The following RBFOX1 variants were observed in gnomAD, a reference collection of about 807,000 sequenced individuals.
RBFOX1 encodes RNA binding fox-1 homolog 1.
A neutral mutation model predicts 57.7 loss-of-function variants in RBFOX1; 8 were observed. The ratio of observed to expected loss-of-function variants is 0.14; its 90% CI spans 0.08 to 0.25. The LOEUF is 0.25. RBFOX1 is among the 10% of genes least tolerant of loss of function. The pLI is 1.00. For missense variants in RBFOX1, 611 were observed against 548.5 expected (o/e 1.11, Z -1.14); for synonymous variants, 326 against 222.4 (o/e 1.47, Z -4.15).
At chr16:5,548,867 G>A (rs147870167) in intron 2 of RBFOX1, among the ~76,000 whole-genome samples, 2 of 152,118 alleles carry the variant, frequency 1.3e-5, no homozygotes, top group African/African-American at 2.4e-5. Flanking sequence ...TGGGGCCAAG[G>A]ATGAGGAAGA....
chr16:6,384,365 C>G (rs546950892), intron 2 of RBFOX1, among the ~76,000 whole-genome samples: 1 of 152,218 alleles, frequency 6.6e-6, no homozygotes, highest in South Asian at 2.1e-4. Flanking sequence ...GCATTTTTCC[C>G]TGCCCCCTGT....
intron 1 of RBFOX1, among the ~76,000 whole-genome samples, chr16:6,269,295 A>T (rs1274184372): frequency 1.3e-5 from 2 of 152,144 alleles, no homozygotes; most frequent in Admixed American, 6.5e-5. Context: ...TTATTTTTAA[A>T]TTTTTGGAAT....
At chr16:7,006,623 G>A (rs923353173) in intron 3 of RBFOX1, among the ~76,000 whole-genome samples, 1 of 151,972 alleles carries the variant, frequency 6.6e-6, no homozygotes, top group African/African-American at 2.4e-5. Context: ...CTTGGTTTCG[G>A]GTTTTATAGA....
At chr16:6,906,376 A>T (rs1006749530) in intron 3 of RBFOX1, among the ~76,000 whole-genome samples, 1 of 152,188 alleles carries the variant, frequency 6.6e-6, no homozygotes, top group African/African-American at 2.4e-5. Flanking sequence ...AATAACACCG[A>T]AACTCATAAA....
intron 2 of RBFOX1, among the ~76,000 whole-genome samples, chr16:5,552,347 A>C (rs1170039958): frequency 6.6e-6 from 1 of 152,028 alleles, no homozygotes; most frequent in Admixed American, 6.6e-5. Context: ...TTCCAGCGCT[A>C]TTTGCTCACA....
intron 3 of RBFOX1, among the ~76,000 whole-genome samples, chr16:5,640,488 T>C (rs933581255): frequency 5.3e-5 from 8 of 150,436 alleles, no homozygotes; most frequent in East Asian, 4.0e-4. Flanking sequence ...TGCACACACA[T>C]ATATGCACAC....
At chr16:6,447,105 G>A (rs989216576) in intron 2 of RBFOX1, among the ~76,000 whole-genome samples, 3 of 152,110 alleles carry the variant, frequency 2.0e-5, no homozygotes, top group Admixed American at 6.5e-5. Flanking sequence ...ACCAGATTGC[G>A]AACTGTTAAA....
At chr16:6,640,866 G>C (rs1018402689) in intron 2 of RBFOX1, among the ~76,000 whole-genome samples, 1 of 152,052 alleles carries the variant, frequency 6.6e-6, no homozygotes, top group African/African-American at 2.4e-5. Context: ...TTAAGGCCAA[G>C]ACCCAAAACA....
chr16:5,806,543 A>G (rs2055234138), intron 3 of RBFOX1, among the ~76,000 whole-genome samples: 1 of 152,206 alleles, frequency 6.6e-6, no homozygotes, highest in Non-Finnish European at 1.5e-5. Context: ...TGAACTTTCA[A>G]CAGGAATTTT....
intron 3 of RBFOX1, among the ~76,000 whole-genome samples, chr16:6,771,087 G>A (rs1296051576): frequency 1.3e-5 from 2 of 152,024 alleles, no homozygotes; most frequent in African/African-American, 4.8e-5. Flanking sequence ...TGTGTTTGGT[G>A]TCCTTATAAG....
At chr16:7,181,260 A>T (rs940815959) in intron 4 of RBFOX1, among the ~76,000 whole-genome samples, 2 of 152,162 alleles carry the variant, frequency 1.3e-5, no homozygotes, top group African/African-American at 4.8e-5. Context: ...GGTCATGAGA[A>T]CTGAAGGAGT....
intron 1 of RBFOX1, among the ~76,000 whole-genome samples, chr16:6,254,579 G>A (rs8059481): frequency 0.91 from 138,134 of 152,182 alleles, 62,861 homozygotes; most frequent in East Asian, 0.95. Flanking sequence ...TTTATTTTCT[G>A]TGGTAGGAAG....
chr16:5,728,783 G>A (rs973284301), intron 3 of RBFOX1, among the ~76,000 whole-genome samples: 1 of 152,062 alleles, frequency 6.6e-6, no homozygotes, highest in African/African-American at 2.4e-5. Context: ...TGAGCTACTC[G>A]CCACTGTGTT....
intron 3 of RBFOX1, among the ~76,000 whole-genome samples, chr16:7,042,177 T>G (rs560006677): frequency 1.3e-5 from 2 of 152,196 alleles, no homozygotes; most frequent in African/African-American, 2.4e-5. Flanking sequence ...CACTAGCTAG[T>G]CGGTGCATGT....
intron 2 of RBFOX1, among the ~76,000 whole-genome samples, chr16:6,592,605 GAAGAGATATA>G (rs938209326): frequency 2.0e-5 from 3 of 152,170 alleles, no homozygotes; most frequent in African/African-American, 7.2e-5. Flanking sequence ...TCTTTGCTTT[GAAGAGATATA>G]CATATGGGGA....
chr16:6,247,526 C>G (rs966332650), intron 1 of RBFOX1, among the ~76,000 whole-genome samples: 21 of 152,146 alleles, frequency 1.4e-4, no homozygotes, highest in African/African-American at 5.1e-4. Context: ...GTAGTAACAG[C>G]CAATATGCAT....
chr16:6,450,790 C>T lies in RBFOX1; in HGVS notation c.-64+133733C>T, dbSNP rs866456182. Among the ~76,000 whole-genome samples, 270 of 35,062 alleles carry T rather than the reference C, an allele frequency of 7.7e-3. 16 individuals carry two copies. Among genetic ancestry groups the T allele is most frequent in the African/African-American group, 0.028 (210 of 7,404 alleles). The allele number at this position is 35,062 out of a possible 152,430, so 23.0% of individuals were successfully genotyped here. ...GTGTATATATATATATATATATATA[C>T]ATATATATATGTATATATATATATA... is the stretch of plus-strand genomic sequence containing the variant. On this transcript the variant is annotated intron_variant, in intron 2 of 15. Coordinates refer to ENST00000550418, the MANE Select transcript of RBFOX1 (RefSeq NM_018723.4).
intron 3 of RBFOX1, among the ~76,000 whole-genome samples, chr16:6,738,658 C>G (rs190375877): frequency 5.7e-4 from 87 of 152,198 alleles, no homozygotes; most frequent in Non-Finnish European, 7.8e-4. Context: ...ATTACAGAAC[C>G]CTTTACCCCA....
chr16:5,445,822 C>T (rs141740013), intron 1 of RBFOX1, among the ~76,000 whole-genome samples: 5 of 152,312 alleles, frequency 3.3e-5, no homozygotes, highest in Admixed American at 6.5e-5. Flanking sequence ...TATGCTAAAT[C>T]GCTTTTAAAC....
Sources: gnomAD v4.1 joint callset for allele counts (sites outside exome capture counted in the v4.1 genomes callset) on GRCh38, gnomAD v4.1.1 for gene constraint, MANE v1.5 for transcripts, NCBI Gene and HGNC (gene_info 2026-07-23, HGNC 2026-07-21) for gene names.